The following ZFHX3 variants were observed in gnomAD, a reference collection of about 807,000 sequenced individuals.
ZFHX3 encodes zinc finger homeobox 3.
ZFHX3 carries 42 observed loss-of-function variants against 279.1 expected under a neutral mutation model. That is an observed-to-expected ratio of 0.15 (90% CI 0.12 to 0.19). ZFHX3 has a LOEUF of 0.19. Among genes scored for constraint, ZFHX3 ranks in the 10% least tolerant of loss-of-function variants. ZFHX3 has a pLI of 1.00. For missense variants in ZFHX3, 4,981 were observed against 4,754.0 expected (o/e 1.05, Z -1.40); for synonymous variants, 2,293 against 1,957.8 (o/e 1.17, Z -4.52).
chr16:73,331,936 G>A (rs1173926142), intron 3 of ZFHX3, among the ~76,000 whole-genome samples: 1 of 152,092 alleles, frequency 6.6e-6, no homozygotes, highest in Non-Finnish European at 1.5e-5. Flanking sequence ...GGAAATCAGT[G>A]GTTAAAAGTC....
At chr16:72,914,202 C>T (rs721824) in intron 3 of ZFHX3, among the ~76,000 whole-genome samples, 21,185 of 152,178 alleles carry the variant, frequency 0.14, 2,038 homozygotes, top group African/African-American at 0.27. Flanking sequence ...CACAGTGGCA[C>T]TGTGAGTGAC....
chr16:73,223,485 T>A (rs942135531), intron 5 of ZFHX3, among the ~76,000 whole-genome samples: 6 of 152,090 alleles, frequency 3.9e-5, no homozygotes, highest in Non-Finnish European at 7.4e-5. Context: ...ATGTCATATA[T>A]CATCAAGAAA....
Position 72,957,722 on chromosome 16 carries a change from C to T in ZFHX3, c.2424G>A (p.Val808=), listed in dbSNP as rs1466745903. 1.9e-6 allele frequency: 3 copies of T among 1,614,186 alleles called. No individual in the cohort carries two copies. The highest frequency in any genetic ancestry group is 1.7e-5 in the Admixed American group (1 of 60,026). ...PKTKPTWRCE[V]CDYETNVARN... is the part of the protein sequence containing the mutation. ...TGGCCACGTTGGTCTCATAATCACA[C>T]ACCTCGCACCGCCAGGTGGGTTTGG... is the stretch of plus-strand genomic sequence containing the variant. The change falls in exon 2 of 10, where the codon GTG becomes GTA. Residue 808 remains valine (V), a synonymous_variant. Coordinates refer to ENST00000268489, the MANE Select transcript of ZFHX3 (RefSeq NM_006885.4).
chr16:73,011,708 CA>C (rs1178194411), intron 1 of ZFHX3, among the ~76,000 whole-genome samples: 2 of 151,472 alleles, frequency 1.3e-5, no homozygotes, highest in East Asian at 1.9e-4. Flanking sequence ...AGTGACAGAG[CA>C]AGACTCAATC....
At chr16:72,857,986 G>A (rs2037794248) in intron 4 of ZFHX3, among the ~76,000 whole-genome samples, 1 of 152,226 alleles carries the variant, frequency 6.6e-6, no homozygotes, top group African/African-American at 2.4e-5. Context: ...AGGGCCCGCT[G>A]CTCCTCAGCC....
Position 73,459,660 on chromosome 16 carries a change from G to A in ZFHX3, c.-1546-3402C>T, listed in dbSNP as rs905021461. Among the ~76,000 whole-genome samples, 8 of 152,128 alleles carry A rather than the reference G, an allele frequency of 5.3e-5. No individual in the cohort carries two copies. In the East Asian group the frequency reaches 5.8e-4, roughly 11 times the overall value. ...TGGGATTACAGGTGTGAGCCACCAC[G>A]CCCAGCCAGGAAAGAGGTTTCATTG... On this transcript the variant is annotated intron_variant, in intron 2 of 17. Transcript: ENST00000641206.
chr16:73,450,173 C>G (rs955899568), intron 3 of ZFHX3, among the ~76,000 whole-genome samples: 1 of 152,162 alleles, frequency 6.6e-6, no homozygotes, highest in Non-Finnish European at 1.5e-5. Context: ...GGTGAAGGTA[C>G]CTTAAATCCA....
chr16:73,698,002 C>T, intron 1 of ZFHX3, among the ~76,000 whole-genome samples: 1 of 151,894 alleles, frequency 6.6e-6, no homozygotes, highest in Non-Finnish European at 1.5e-5. Flanking sequence ...TGTGGGGTAT[C>T]TTTGTAGTGC....
At chr16:73,097,216 AC>A (rs2144784230) in intron 7 of ZFHX3, among the ~76,000 whole-genome samples, 1 of 141,210 alleles carries the variant, frequency 7.1e-6, no homozygotes, top group Admixed American at 7.2e-5. Flanking sequence ...TCCTCACCAC[AC>A]CCAGCTAATT....
chr16:73,253,482 C>T (rs1358598454), intron 5 of ZFHX3, among the ~76,000 whole-genome samples: 5 of 144,404 alleles, frequency 3.5e-5, no homozygotes, highest in East Asian at 2.0e-4. Flanking sequence ...GATGGAGTCT[C>T]GCTCTGTCAC....
intron 5 of ZFHX3, among the ~76,000 whole-genome samples, chr16:73,191,543 A>G (rs1379434106): frequency 6.6e-6 from 1 of 152,276 alleles, no homozygotes; most frequent in Non-Finnish European, 1.5e-5. Flanking sequence ...TTAGATCTCC[A>G]AAAGAGGAAA....
intron 2 of ZFHX3, among the ~76,000 whole-genome samples, chr16:73,581,761 C>A (rs534650487): frequency 6.7e-6 from 1 of 149,364 alleles, no homozygotes; most frequent in South Asian, 2.1e-4. Context: ...ACCTCCACCT[C>A]CCGGGTTCAA....
At chr16:73,811,331 C>T (rs1960418404) in intron 1 of ZFHX3, among the ~76,000 whole-genome samples, 1 of 152,032 alleles carries the variant, frequency 6.6e-6, no homozygotes, top group Admixed American at 6.6e-5. Flanking sequence ...TGATCTAAAA[C>T]TCTAAAAGTG....
chr16:73,404,936 C>T (rs914919053), intron 3 of ZFHX3, among the ~76,000 whole-genome samples: 1 of 152,220 alleles, frequency 6.6e-6, no homozygotes, highest in African/African-American at 2.4e-5. Context: ...AACCTCCAAG[C>T]ACTTATGAGC....
At chr16:73,390,941 C>T (rs1442067659) in intron 3 of ZFHX3, among the ~76,000 whole-genome samples, 4 of 151,720 alleles carry the variant, frequency 2.6e-5, no homozygotes, top group African/African-American at 9.7e-5. Flanking sequence ...TTATTTCTGA[C>T]ATTAAAGGCC....
At chr16:72,998,703 T>C (rs750062410) in intron 1 of ZFHX3, among the ~76,000 whole-genome samples, 1 of 152,204 alleles carries the variant, frequency 6.6e-6, no homozygotes, top group Non-Finnish European at 1.5e-5. Flanking sequence ...GGCCCCACTG[T>C]AATAATTCAT....
chr16:72,960,899 A>C (rs1597021669), intron 1 of ZFHX3, among the ~76,000 whole-genome samples: 2 of 152,076 alleles, frequency 1.3e-5, no homozygotes, highest in East Asian at 3.9e-4. Flanking sequence ...AGTAAAACAG[A>C]GGGGCTTCAA....
intron 5 of ZFHX3, chr16:73,143,914 C>T: frequency 2.1e-6 from 1 of 467,730 alleles, no homozygotes; most frequent in Non-Finnish European, 3.8e-6. Flanking sequence ...ATGAATGATT[C>T]TCCCATTGCT....
chr16:73,436,420 A>C (rs1420286867), intron 3 of ZFHX3, among the ~76,000 whole-genome samples: 1 of 152,164 alleles, frequency 6.6e-6, no homozygotes, highest in Non-Finnish European at 1.5e-5. Flanking sequence ...GGCAGCAGAC[A>C]AGAGAGAATG....
Sources: allele counts gnomAD v4.1 joint callset (sites outside exome capture counted in the v4.1 genomes callset), GRCh38; gene constraint gnomAD v4.1.1; transcripts MANE v1.5; gene names NCBI Gene and HGNC (gene_info 2026-07-23, HGNC 2026-07-21).